DOCK2: variants seen among roughly 807,000 people sequenced by gnomAD.
DOCK2 encodes dedicator of cytokinesis 2.
DOCK2 carries 87 observed loss-of-function variants against 248.9 expected under a neutral mutation model. The observed-to-expected ratio is 0.35, with a 90% CI of 0.29 to 0.42. DOCK2 has a LOEUF of 0.42. Among genes scored for constraint, DOCK2 ranks in the 10% least tolerant of loss-of-function variants. The pLI is 1.00. For missense variants in DOCK2, 1,747 were observed against 2,300.2 expected (o/e 0.76, Z 4.92); for synonymous variants, 805 against 821.6 (o/e 0.98, Z 0.35).
At chr5:169,794,181 G>C (rs981403333) in intron 25 of DOCK2, among the ~76,000 whole-genome samples, 1 of 151,728 alleles carries the variant, frequency 6.6e-6, no homozygotes, top group East Asian at 1.9e-4. Context: ...AACATTCCAG[G>C]TTCATCACCC....
intron 30 of DOCK2, chr5:169,998,097 AT>A (rs1168324551): frequency 1.8e-5 from 8 of 455,234 alleles, no homozygotes; most frequent in East Asian, 1.4e-4. Context: ...CTCCCTGAGG[AT>A]CACCCCCACT....
intron 9 of DOCK2, 96 bp downstream of exon 9, chr5:169,689,429 T>G: frequency 7.7e-7 from 1 of 1,295,988 alleles, no homozygotes; most frequent in Non-Finnish European, 1.1e-6. Context: ...GAAGTGTGGC[T>G]GTCCTGCAGA....
chr5:169,715,963 A>G (rs1036890752), intron 19 of DOCK2, among the ~76,000 whole-genome samples: 1 of 152,182 alleles, frequency 6.6e-6, no homozygotes, highest in African/African-American at 2.4e-5. Context: ...AGTAGTTTGC[A>G]CTTTAGTCCA....
chr5:169,712,159 T>C lies in DOCK2; in HGVS notation c.1595T>C (p.Val532Ala), dbSNP rs1761625739. 1 of 1,613,982 alleles carries C rather than the reference T, an allele frequency of 6.2e-7. No individual in the cohort carries two copies. The highest frequency in any genetic ancestry group is 8.5e-7 in the Non-Finnish European group (1 of 1,179,974). ...KGEKNFAMSY[V>A]KLMKEDGTTL... The stretch of plus-strand genomic sequence containing the variant: ...GAAAAGAACTTTGCCATGTCCTATG[T>C]GAAGCTGATGAAAGAAGATGGGACT... The change falls in exon 17 of 52, where the codon GTG becomes GCG. Residue 532 changes from valine (V) to alanine (A), a missense_variant. Physicochemically the swap from Val to Ala is moderately conservative, Grantham distance 64 (BLOSUM62 0). Transcript: ENST00000520908.
intron 25 of DOCK2, among the ~76,000 whole-genome samples, chr5:169,785,524 C>T (rs986845438): frequency 1.3e-5 from 2 of 152,166 alleles, no homozygotes; most frequent in Non-Finnish European, 2.9e-5. Flanking sequence ...CCACATATTT[C>T]TTTCATCTAT....
At chr5:169,741,183 T>C (rs1331670550) in intron 22 of DOCK2, among the ~76,000 whole-genome samples, 1 of 152,222 alleles carries the variant, frequency 6.6e-6, no homozygotes. Flanking sequence ...TGCAATTTCT[T>C]ATTTATTTCA....
At chr5:169,968,685 C>T (rs1354130931) in intron 27 of DOCK2, among the ~76,000 whole-genome samples, 1 of 152,174 alleles carries the variant, frequency 6.6e-6, no homozygotes, top group Non-Finnish European at 1.5e-5. Context: ...TCAATTTTAT[C>T]ACAATTTTGA....
chr5:169,837,737 A>G (rs921297455), intron 26 of DOCK2, among the ~76,000 whole-genome samples: 3 of 152,194 alleles, frequency 2.0e-5, no homozygotes, highest in African/African-American at 7.2e-5. Context: ...CCCAGCTCAA[A>G]TGAGCAGAAT....
At chr5:169,902,750 C>A (rs181065770) in intron 27 of DOCK2, among the ~76,000 whole-genome samples, 1 of 152,090 alleles carries the variant, frequency 6.6e-6, no homozygotes, top group African/African-American at 2.4e-5. Context: ...ACTAGGGACA[C>A]GGCAGTGAGC....
chr5:169,869,710 A>T (rs1380387275), intron 27 of DOCK2, among the ~76,000 whole-genome samples: 3 of 152,168 alleles, frequency 2.0e-5, no homozygotes, highest in African/African-American at 7.2e-5. Flanking sequence ...ACTTGGTGAA[A>T]ATTGAAGTTA....
chr5:169,682,007 C>G, intron 7 of DOCK2, 128 bp downstream of exon 7: 1 of 1,294,380 alleles, frequency 7.7e-7, no homozygotes, highest in Non-Finnish European at 1.0e-6. Flanking sequence ...CTGAGATGAT[C>G]AGCAACCACA....
chr5:169,696,697 C>G (rs1760652487), intron 10 of DOCK2, among the ~76,000 whole-genome samples: 1 of 152,118 alleles, frequency 6.6e-6, no homozygotes. Flanking sequence ...CATAGCTAAC[C>G]TCAGTGTTTC....
intron 27 of DOCK2, among the ~76,000 whole-genome samples, chr5:169,893,218 C>G (rs1173577177): frequency 1.3e-5 from 2 of 152,218 alleles, no homozygotes; most frequent in Non-Finnish European, 2.9e-5. Flanking sequence ...GGTACATTCA[C>G]CCCTCTAGCC....
chr5:169,714,324 G>A, intron 18 of DOCK2, 36 bp from the exon 19 acceptor site: 3 of 1,613,816 alleles, frequency 1.9e-6, no homozygotes, highest in Non-Finnish European at 2.5e-6. Flanking sequence ...AGTTAGGCCA[G>A]TAATGATACT....
At chr5:169,742,952 A>G (rs1213853501) in intron 22 of DOCK2, among the ~76,000 whole-genome samples, 2 of 152,174 alleles carry the variant, frequency 1.3e-5, no homozygotes, top group African/African-American at 4.8e-5. Flanking sequence ...AGGGCCCTTC[A>G]ATAATTTGTT....
chr5:169,983,039 T>C (rs1777981486), intron 27 of DOCK2, 29 bp from the exon 28 acceptor site: 1 of 1,610,910 alleles, frequency 6.2e-7, no homozygotes, highest in African/African-American at 1.3e-5. Context: ...CTCTCAACTA[T>C]TTATAGTATT....
chr5:170,019,137 A>C, intron 33 of DOCK2, 29 bp downstream of exon 33: 1 of 1,613,684 alleles, frequency 6.2e-7, no homozygotes, highest in Non-Finnish European at 8.5e-7. Flanking sequence ...AACTCATGCC[A>C]GCATGCCTAA....
At chr5:169,943,758 A>G (rs1477826513) in intron 27 of DOCK2, among the ~76,000 whole-genome samples, 3 of 152,164 alleles carry the variant, frequency 2.0e-5, no homozygotes, top group Non-Finnish European at 2.9e-5. Flanking sequence ...TCCCAGGCCT[A>G]CTGATTCAGA....
intron 44 of DOCK2, among the ~76,000 whole-genome samples, chr5:170,063,163 G>A (rs1171437368): frequency 6.6e-6 from 1 of 152,188 alleles, no homozygotes; most frequent in Non-Finnish European, 1.5e-5. Context: ...ATACAGGCAT[G>A]AAAGCACTTC....
Sources: gnomAD v4.1 joint callset for allele counts (sites outside exome capture counted in the v4.1 genomes callset) on GRCh38, gnomAD v4.1.1 for gene constraint, MANE v1.5 for transcripts, NCBI Gene and HGNC (gene_info 2026-07-23, HGNC 2026-07-21) for gene names.